Variants in EMP3 observed in about 807,000 individuals in gnomAD.
EMP3 encodes epithelial membrane protein 3 (MAM blood group).
EMP3 carries 15 observed loss-of-function variants against 21.6 expected under a neutral mutation model. The ratio of observed to expected loss-of-function variants is 0.69; its 90% confidence interval spans 0.46 to 1.07. The LOEUF (loss-of-function observed/expected upper bound fraction) is 1.07, where lower values mean the gene tolerates loss of function less well. Among genes scored for constraint, EMP3 ranks in the 50% least tolerant of loss-of-function variants. The probability of loss-of-function intolerance (pLI) is 0.00; values close to 1 mark genes in which losing one functional copy is unlikely to be tolerated. For synonymous variants in EMP3, 107 were observed against 86.1 expected (o/e 1.24, Z -1.34); for missense variants, 183 against 206.6 (o/e 0.89, Z 0.70).
chr19:48,327,808 T>A (rs1199574547), intron 3 of EMP3, 185 bp downstream of exon 3: 3 of 571,222 alleles, frequency 5.3e-6, no homozygotes, highest in Middle Eastern at 4.7e-4. Context: ...CTCTTGTTTT[T>A]TTTGTTTTTG....
chr19:48,326,765 T>A, intron 1 of EMP3, 65 bp from the exon 2 acceptor site: 1 of 1,363,814 alleles, frequency 7.3e-7, no homozygotes, highest in Non-Finnish European at 1.0e-6. Flanking sequence ...GCTGGGGTTA[T>A]AGGCGTGAGT....
chr19:48,327,053 A>C, intron 2 of EMP3, 131 bp downstream of exon 2: 1 of 816,912 alleles, frequency 1.2e-6, no homozygotes, highest in African/African-American at 1.7e-5. Context: ...TTATTTTGAG[A>C]CAAGGGTCTC....
intron 3 of EMP3, 180 bp downstream of exon 3, chr19:48,327,803 G>A (rs1969148842): frequency 1.8e-6 from 1 of 568,928 alleles, no homozygotes; most frequent in South Asian, 2.3e-5. Flanking sequence ...CCTACCTCTT[G>A]TTTTTTTTGT....
At chr19:48,327,906 C>T (rs1181448285) in intron 3 of EMP3, 7 of 366,972 alleles carry the variant, frequency 1.9e-5, no homozygotes, top group Non-Finnish European at 3.1e-5. Context: ...CTCCGGGGTC[C>T]GAGCAATTCT....
Position 48,327,642 on chromosome 19 carries a change from G to C in EMP3, c.181+19G>C, listed in dbSNP as rs757823214. On this transcript the variant is annotated intron_variant, in intron 3 of 4. Transcript: ENST00000270221. ...GAGAATGGTGAGGGGTGAGGGCGGC[G>C]GGACTGGTCTTCAAAGGGGAAGGTA... 30 of 1,606,280 alleles carry C rather than the reference G, an allele frequency of 1.9e-5. No homozygotes were observed. In the Admixed American group the frequency reaches 4.9e-4, roughly 26 times the overall value.
intron 3 of EMP3, among the ~76,000 whole-genome samples, chr19:48,328,264 T>A (rs1429134638): frequency 6.6e-6 from 1 of 151,880 alleles, no homozygotes; most frequent in East Asian, 1.9e-4. Context: ...ACAAAAAAAT[T>A]AGCCGGGCAT....
Position 48,327,505 on chromosome 19 carries a change from T to C in EMP3, c.79-16T>C. 6.2e-7 allele frequency: 1 copy of C among 1,601,026 alleles called. No homozygotes were observed. The highest frequency in any genetic ancestry group is 2.2e-5 in the East Asian group (1 of 44,810). ...TTCCTAACCCTGCCCCTTGTTTCGT[T>C]CTCTGTCCATCCCAGTCCTGGTGGA... On this transcript the variant is annotated splice_polypyrimidine_tract_variant and intron_variant, in intron 2 of 4. Coordinates refer to ENST00000270221, the MANE Select transcript of EMP3 (RefSeq NM_001425.3).
Position 48,330,309 on chromosome 19 carries a change from G to A in EMP3, c.331G>A (p.Val111Met). 1 of 1,586,746 alleles carries A rather than the reference G, an allele frequency of 6.3e-7. No homozygotes were observed. The highest frequency in any genetic ancestry group is 8.6e-7 in the Non-Finnish European group (1 of 1,167,060). Residue 111 changes from valine (V) to methionine (M), a missense_variant, in exon 5 of 5, where the codon GTG becomes ATG. Coordinates refer to ENST00000270221, the MANE Select transcript of EMP3 (RefSeq NM_001425.3). ...GLCQLCTSVA[V>M]FTGALIYAIH... ...GTTTTCATCTTCCGCAGGCGTGGCG[G>A]TGTTTACTGGCGCCTTGATCTATGC...
Position 48,329,303 on chromosome 19 carries a change from G to T in EMP3, c.182-49G>T. On this transcript the variant is annotated intron_variant, in intron 3 of 4. Transcript: ENST00000270221. The surrounding 1 kb of genome is among the most constrained non-coding windows in gnomAD (Gnocchi z 4.5). ...CATGGTGAGCAAGCAGGTGAAGCTG[G>T]AACTCTGGACCCACGGTGATGTCCC... is the stretch of plus-strand genomic sequence containing the variant. 1.2e-6 allele frequency: 2 copies of T among 1,610,174 alleles called. No individual in the cohort carries two copies. Among genetic ancestry groups the T allele is most frequent in the Non-Finnish European group, 1.7e-6 (2 of 1,177,688 alleles).
intron 1 of EMP3, chr19:48,326,093 C>T (rs1012723730): frequency 1.4e-5 from 2 of 145,718 alleles, no homozygotes; most frequent in African/African-American, 5.3e-5. Flanking sequence ...TGGGGTTTCC[C>T]TGGTGCTTAG....
In EMP3 at chr19:48,326,884, C is replaced by T. The variant is rs1969131719; in HGVS notation, c.40C>T (p.Leu14Phe). The T allele has an allele frequency of 3.7e-6, 6 of 1,614,120 alleles. No individual in the cohort carries two copies. The highest frequency in any genetic ancestry group is 3.3e-5 in the Admixed American group (2 of 60,012). The stretch of plus-strand genomic sequence containing the variant: ...GCTGGTGGTCTCAGCCCTTCACATC[C>T]TCATTCTTATACTGCTTTTCGTGGC... ...LLLVVSALHI[L>F]ILILLFVATL... The change falls in exon 2 of 5, where the codon CTC becomes TTC. Residue 14 changes from leucine (L) to phenylalanine (F), a missense_variant. Coordinates refer to ENST00000270221, the MANE Select transcript of EMP3 (RefSeq NM_001425.3).
At position 48,326,915 on chromosome 19, in the gene EMP3, T is replaced by C. The variant is rs566015053; in HGVS notation, c.71T>C (p.Leu24Ser). 1.2e-6 allele frequency: 2 copies of C among 1,613,590 alleles called. No individual in the cohort carries two copies. Among genetic ancestry groups the C allele is most frequent in the East Asian group, 2.2e-5 (1 of 44,866 alleles). The change falls in exon 2 of 5, where the codon TTG (leucine) becomes TCG (serine). Residue 24 changes from leucine (L) to serine (S), a missense_variant. By Grantham distance (145) the Leu-to-Ser change is moderately radical. Coordinates refer to ENST00000270221, the MANE Select transcript of EMP3 (RefSeq NM_001425.3). ...CTTATACTGCTTTTCGTGGCCACTT[T>C]GGACAAGGTAAGCCTACTTGGAGCT... ...LILILLFVAT[L>S]DKSWWTLPGK...
intron 2 of EMP3, 57 bp from the exon 3 acceptor site, chr19:48,327,464 C>T (rs999351914): frequency 7.5e-7 from 1 of 1,329,408 alleles, no homozygotes; most frequent in African/African-American, 1.4e-5. Flanking sequence ...GTCTGCCTGA[C>T]CCTATCCCCT....
chr19:48,329,609 A>C lies in EMP3; in HGVS notation c.322+117A>C. ...CTCTCGTAGAAAAAAACAACTTTCA[A>C]CACCCCACGAGCCACAAGAGGTGCC... is the stretch of plus-strand genomic sequence containing the variant. On this transcript the variant is annotated intron_variant, in intron 4 of 4. Transcript: ENST00000270221. This position sits in a 1 kb window ranked among gnomAD's most constrained non-coding sequence, Gnocchi z 4.5. 5 of 1,317,398 alleles carry C rather than the reference A, an allele frequency of 3.8e-6. No individual in the cohort carries two copies. Among genetic ancestry groups the C allele is most frequent in the Non-Finnish European group, 5.1e-6 (5 of 976,698 alleles). 81.6% of individuals were successfully genotyped at this position (1,317,398 alleles called of 1,614,324 possible).
At chr19:48,325,826 C>G (rs1969114115) in intron 1 of EMP3, among the ~76,000 whole-genome samples, 1 of 152,098 alleles carries the variant, frequency 6.6e-6, no homozygotes, top group South Asian at 2.1e-4. Context: ...CACTGGAAAA[C>G]TTCCTGCAGT....
rs1969168491 is a variant in EMP3, at chr19:48,329,291, C to A, written c.182-61C>A. On this transcript the variant is annotated intron_variant, in intron 3 of 4. Transcript: ENST00000270221. The surrounding 1 kb of genome is among the most constrained non-coding windows in gnomAD (Gnocchi z 4.5). ...AGAGAAGGGTCACATGGTGAGCAAG[C>A]AGGTGAAGCTGGAACTCTGGACCCA... 6.2e-6 allele frequency: 10 copies of A among 1,602,270 alleles called. No homozygotes were observed. Among genetic ancestry groups the A allele is most frequent in the Non-Finnish European group, 5.1e-6 (6 of 1,172,956 alleles).
chr19:48,328,859 C>T (rs1266500159), intron 3 of EMP3, among the ~76,000 whole-genome samples: 1 of 152,176 alleles, frequency 6.6e-6, no homozygotes, highest in African/African-American at 2.4e-5. Context: ...CAGTGGCTCA[C>T]ACCTGTAATC....
chr19:48,328,315 G>A (rs1969157681), intron 3 of EMP3, among the ~76,000 whole-genome samples: 1 of 150,988 alleles, frequency 6.6e-6, no homozygotes, highest in African/African-American at 2.5e-5. Flanking sequence ...GGGAGGCTGA[G>A]GCAGAAGAAT....
chr19:48,330,461 G>T lies in EMP3; in HGVS notation c.483G>T (p.Lys161Asn). 6.3e-6 allele frequency: 10 copies of T among 1,578,070 alleles called. No homozygotes were observed. Among genetic ancestry groups the T allele is most frequent in the Non-Finnish European group, 7.7e-6 (9 of 1,166,074 alleles). Residue 161 changes from lysine (K) to asparagine (N), a missense_variant, in exon 5 of 5, where the codon AAG becomes AAT. By Grantham distance (94) the Lys-to-Asn change is moderately conservative. Transcript: ENST00000270221. ...GCATCATCTACATCCACCTACGGAA[G>T]CGGGAGTGAGCGCCCCGCCTCGCTC... ...VSGIIYIHLR[K>N]RE
Sources: gnomAD v4.1 joint callset for allele counts (sites outside exome capture counted in the v4.1 genomes callset) on GRCh38, gnomAD v4.1.1 for gene constraint, Gnocchi (gnomAD v3.1) non-coding constraint, MANE v1.5 for transcripts, NCBI Gene and HGNC (gene_info 2026-07-23, HGNC 2026-07-21) for gene names.